MGAT3: variants seen among roughly 807,000 people sequenced by gnomAD.
MGAT3 encodes the protein GlcNAc-T III.
In MGAT3, 9 loss-of-function variants were observed where a neutral mutation model predicts 29.8. That is an observed-to-expected ratio of 0.30 (90% confidence interval 0.18 to 0.53). The LOEUF is 0.53. Among genes scored for constraint, MGAT3 ranks in the 20% least tolerant of loss-of-function variants. The pLI, the probability that MGAT3 is intolerant of heterozygous loss-of-function variation, is 0.96. For missense variants in MGAT3, 557 were observed against 769.5 expected (o/e 0.72, Z 3.27); for synonymous variants, 397 against 348.9 (o/e 1.14, Z -1.54).
chr22:39,460,150 C>T (rs2145707070), intron 1 of MGAT3, among the ~76,000 whole-genome samples: 1 of 152,226 alleles, frequency 6.6e-6, no homozygotes, highest in East Asian at 1.9e-4. Context: ...AGCCAGAGCC[C>T]CTTTGCTCCC....
At position 39,457,500 on chromosome 22, in the gene MGAT3, GGCCGCGGA is replaced by G. The variant is rs1376617261; in HGVS notation, c.-53_-46del. ...GCATCTCCCCGCCGGGGACCCCGGG[GGCCGCGGA>G]GCCGCCGCCGCCGCTGCTGCCGCCG... On this transcript the variant is annotated 5_prime_UTR_variant, in exon 1 of 2. An upstream open reading frame in the 5' UTR loses its in-frame stop. Transcript: ENST00000341184. This position sits in a 1 kb window ranked among gnomAD's most constrained non-coding sequence, Gnocchi z 6.8. The G allele has an allele frequency of 1.3e-5, 2 of 149,442 alleles. No homozygotes were observed. Among genetic ancestry groups the G allele is most frequent in the Admixed American group, 1.3e-4 (2 of 14,984 alleles). The allele number at this position is 149,442 out of a possible 1,614,324, so 9.3% of individuals were successfully genotyped here. A position where few individuals can be genotyped will look rare whatever the true frequency, so the allele number is the denominator to read the frequency against.
intron 1 of MGAT3, among the ~76,000 whole-genome samples, chr22:39,463,077 C>G (rs1394306761): frequency 6.6e-6 from 1 of 152,220 alleles, no homozygotes; most frequent in Non-Finnish European, 1.5e-5. Context: ...CTCTGGCTGG[C>G]AGGCCTGGTG....
rs1036996825 is a variant in MGAT3 at position 39,479,161 on chromosome 22, ACCT to A, written c.-1-8181_-1-8179del. ...GAGACCAGCTTGGCAATGTAGGGAG[ACCT>A]CCTCTCTACAAAAAAATGTTTAAAA... On this transcript the variant is annotated intron_variant, in intron 1 of 1. Coordinates refer to ENST00000341184, the MANE Select transcript of MGAT3 (RefSeq NM_002409.5). Among the ~76,000 whole-genome samples, 11 of 151,994 alleles carry A rather than the reference ACCT, an allele frequency of 7.2e-5. 1 individual carries two copies. Among genetic ancestry groups the A allele is most frequent in the Middle Eastern group, 6.8e-3 (2 of 294 alleles).
intron 1 of MGAT3, among the ~76,000 whole-genome samples, chr22:39,472,113 G>A (rs147504865): frequency 1.0e-3 from 157 of 152,282 alleles, no homozygotes; most frequent in African/African-American, 3.5e-3. Context: ...TGCACACTGA[G>A]GAATGAATGC....
chr22:39,466,970 C>T (rs551264429), intron 1 of MGAT3, among the ~76,000 whole-genome samples: 103 of 152,322 alleles, frequency 6.8e-4, no homozygotes, highest in African/African-American at 2.3e-3. Context: ...GCAATTACTC[C>T]CTAAGTGCCT....
intron 1 of MGAT3, among the ~76,000 whole-genome samples, chr22:39,461,555 G>A (rs1025356398): frequency 2.0e-5 from 3 of 152,146 alleles, no homozygotes; most frequent in Non-Finnish European, 2.9e-5. Context: ...TCAGAGATGT[G>A]GCCCAAGCAG....
chr22:39,470,577 G>C (rs1928779640), intron 1 of MGAT3, among the ~76,000 whole-genome samples: 1 of 152,196 alleles, frequency 6.6e-6, no homozygotes, highest in African/African-American at 2.4e-5. Context: ...CGGTGACTCT[G>C]GCTGCTGCAG....
rs967286573 is a variant in MGAT3, at chr22:39,457,924, C to G, written c.-2+367C>G. Among the ~76,000 whole-genome samples the G allele has an allele frequency of 2.0e-5, 3 of 151,620 alleles. No individual in the cohort carries two copies. Among genetic ancestry groups the G allele is most frequent in the South Asian group, 2.1e-4 (1 of 4,822 alleles). ...CCCCCAGCCTCCGGCGCGGCTCCCC[C>G]ACAACCTCCGGCGCGGCGCGGGGCT... On this transcript the variant is annotated intron_variant, in intron 1 of 1. Transcript: ENST00000341184. The surrounding 1 kb of genome is among the most constrained non-coding windows in gnomAD (Gnocchi z 6.8).
At chr22:39,476,583 C>G (rs929523972) in intron 1 of MGAT3, 1 of 152,238 alleles carries the variant, frequency 6.6e-6, no homozygotes, top group African/African-American at 2.4e-5. Flanking sequence ...AAGCAGAATT[C>G]CTCGATGCTG....
intron 1 of MGAT3, among the ~76,000 whole-genome samples, chr22:39,466,991 G>A (rs376854813): frequency 3.6e-4 from 55 of 152,304 alleles, no homozygotes; most frequent in African/African-American, 1.2e-3. Flanking sequence ...ATTGTGCGCC[G>A]GTGACTGAGC....
At chr22:39,470,451 C>T (rs543997971) in intron 1 of MGAT3, among the ~76,000 whole-genome samples, 3 of 152,278 alleles carry the variant, frequency 2.0e-5, no homozygotes, top group South Asian at 2.1e-4. Context: ...TCAGCAGAAA[C>T]GCAGGCATCA....
At chr22:39,461,460 C>T (rs1423708429) in intron 1 of MGAT3, among the ~76,000 whole-genome samples, 7 of 152,178 alleles carry the variant, frequency 4.6e-5, no homozygotes, top group African/African-American at 1.7e-4. Context: ...CTTGCACTAA[C>T]CCCTCCTTCG....
rs559609350 is a variant in MGAT3 at position 39,459,433 on chromosome 22, C to G, written c.-2+1876C>G. 2.6e-5 allele frequency among the ~76,000 whole-genome samples: 4 copies of G among 151,976 alleles called. No homozygotes were observed. The South Asian group carries it at 6.2e-4, about 24-fold the overall frequency. ...CTCAGGAAGTCAGCTTTCTGAGCCT[C>G]GGTTTCCACATCTGTGAAATGGGGA... On this transcript the variant is annotated intron_variant, in intron 1 of 1. Coordinates refer to ENST00000341184, the MANE Select transcript of MGAT3 (RefSeq NM_002409.5).
rs1292246713 is a variant in MGAT3, at chr22:39,457,158, C to T, written c.-401C>T. Among the ~76,000 whole-genome samples the T allele has an allele frequency of 1.0e-5, 1 of 95,534 alleles. No homozygotes were observed. The highest frequency in any genetic ancestry group is 2.3e-5 in the Non-Finnish European group (1 of 42,828). 62.7% of individuals were successfully genotyped at this position (95,534 alleles called of 152,430 possible). On this transcript the variant is annotated 5_prime_UTR_variant, in exon 1 of 2. Coordinates refer to ENST00000341184, the MANE Select transcript of MGAT3 (RefSeq NM_002409.5). This position sits in a 1 kb window ranked among gnomAD's most constrained non-coding sequence, Gnocchi z 6.8. ...GCTGGCGGGGGAGGGGAGGGGGTTGCGGAGGGGGCGGGGTGGGGGCCGGAG... is the reference window on the plus strand; with the variant it reads ...GCTGGCGGGGGAGGGGAGGGGGTTGTGGAGGGGGCGGGGTGGGGGCCGGAG...
chr22:39,458,005 C>T (rs1183636410), intron 1 of MGAT3, among the ~76,000 whole-genome samples: 1 of 152,056 alleles, frequency 6.6e-6, no homozygotes, highest in African/African-American at 2.4e-5. Context: ...ACTGCGGCGG[C>T]GGCAGCCGAG....
chr22:39,474,351 C>T (rs1928891649), intron 1 of MGAT3, among the ~76,000 whole-genome samples: 1 of 152,148 alleles, frequency 6.6e-6, no homozygotes, highest in Non-Finnish European at 1.5e-5. Flanking sequence ...GAGAGGGACC[C>T]TTGCCTTGGG....
chr22:39,471,593 C>A (rs1488876439), intron 1 of MGAT3, among the ~76,000 whole-genome samples: 1 of 151,800 alleles, frequency 6.6e-6, no homozygotes, highest in African/African-American at 2.4e-5. Flanking sequence ...GGCCATCAGT[C>A]CTTGCCGGCC....
intron 1 of MGAT3, among the ~76,000 whole-genome samples, chr22:39,478,413 C>T (rs1489727496): frequency 6.6e-6 from 1 of 152,238 alleles, no homozygotes; most frequent in Non-Finnish European, 1.5e-5. Context: ...TGGCTGTCCC[C>T]CAGCTGAAGA....
intron 1 of MGAT3, among the ~76,000 whole-genome samples, chr22:39,466,676 C>T (rs573184597): frequency 3.9e-5 from 6 of 152,232 alleles, no homozygotes; most frequent in African/African-American, 1.2e-4. Context: ...CAGAGGTGCC[C>T]GCAGGGCAGG....
Sources: allele counts gnomAD v4.1 joint callset (sites outside exome capture counted in the v4.1 genomes callset), GRCh38; gene constraint gnomAD v4.1.1; non-coding constraint Gnocchi (gnomAD v3.1); transcripts MANE v1.5; gene names NCBI Gene and HGNC (gene_info 2026-07-23, HGNC 2026-07-21).